The following LPAR3 variants were observed in gnomAD, a reference collection of about 807,000 sequenced individuals.
LPAR3 encodes the protein LPA receptor 3.
LPAR3 carries 7 observed loss-of-function variants against 17.8 expected under a neutral mutation model. That is an observed-to-expected ratio of 0.39 (90% CI 0.22 to 0.74). LPAR3 has a LOEUF of 0.74. Among genes scored for constraint, LPAR3 ranks in the 30% least tolerant of loss-of-function variants. The pLI is 0.40. For missense variants in LPAR3, 391 were observed against 453.4 expected (o/e 0.86, Z 1.25); for synonymous variants, 179 against 179.9 (o/e 0.99, Z 0.04).
intron 2 of LPAR3, among the ~76,000 whole-genome samples, chr1:84,815,116 C>T (rs1170656760): frequency 6.6e-6 from 1 of 152,130 alleles, no homozygotes; most frequent in African/African-American, 2.4e-5. Context: ...ATGACATTGG[C>T]ATTATTATTA....
At chr1:84,864,800 A>G (rs1660007860) in intron 2 of LPAR3, among the ~76,000 whole-genome samples, 1 of 151,064 alleles carries the variant, frequency 6.6e-6, no homozygotes, top group South Asian at 2.1e-4. Context: ...AAGAAAAAAG[A>G]AAAAAAAATG....
At position 84,865,931 on chromosome 1, in the gene LPAR3, G is replaced by C. The variant is rs769841460; in HGVS notation, c.190C>G (p.Pro64Ala). 73 of 1,613,920 alleles carry C rather than the reference G, an allele frequency of 4.5e-5. 2 individuals are homozygous for C. Among genetic ancestry groups the C allele is most frequent in the Non-Finnish European group, 6.1e-5 (72 of 1,180,010 alleles). The change falls in exon 2 of 3, where the codon CCC becomes GCC. Residue 64 changes from proline (P) to alanine (A), a missense_variant. Coordinates refer to ENST00000370611, the MANE Select transcript of LPAR3 (RefSeq NM_012152.3). ...AVIKNRKFHF[P>A]FYYLLANLAA... ...AAATTAGCCAACAGGTAGTAGAAGGGGAAATGAAATTTTCTGTTTTTGATC... is the reference window on the plus strand; with the variant it reads ...AAATTAGCCAACAGGTAGTAGAAGGCGAAATGAAATTTTCTGTTTTTGATC...
chr1:84,857,628 G>A (rs1659853106), intron 2 of LPAR3, among the ~76,000 whole-genome samples: 1 of 152,216 alleles, frequency 6.6e-6, no homozygotes, highest in South Asian at 2.1e-4. Context: ...GAAAGAGCAT[G>A]TGACTTTACA....
chr1:84,813,653 T>C lies in LPAR3; in HGVS notation c.*193A>G, dbSNP rs1470402846. The C allele has an allele frequency of 3.6e-6, 2 of 560,312 alleles. No individual in the cohort carries two copies. Among genetic ancestry groups the C allele is most frequent in the African/African-American group, 3.7e-5 (2 of 53,372 alleles). 34.7% of individuals were successfully genotyped at this position (560,312 alleles called of 1,614,324 possible). On this transcript the variant is annotated 3_prime_UTR_variant, in exon 3 of 3. Transcript: ENST00000370611. ...CCGAACCTCTCCCGTTTCTGTGCTT[T>C]CTCTAAATGCAGCAGGTCCTCTCTT...
intron 2 of LPAR3, among the ~76,000 whole-genome samples, chr1:84,827,177 C>CAGT (rs1451582159): frequency 6.6e-6 from 1 of 152,100 alleles, no homozygotes; most frequent in Non-Finnish European, 1.5e-5. Flanking sequence ...CTTGTTATTG[C>CAGT]AGTATTAATT....
At chr1:84,849,241 G>C (rs996292173) in intron 2 of LPAR3, among the ~76,000 whole-genome samples, 1 of 151,946 alleles carries the variant, frequency 6.6e-6, no homozygotes, top group East Asian at 1.9e-4. Context: ...CGGGCGTGGT[G>C]GTGGGCACCT....
chr1:84,865,555 A>C lies in LPAR3; in HGVS notation c.566T>G (p.Val189Gly). 1.2e-6 allele frequency: 2 copies of C among 1,614,194 alleles called. No individual in the cohort carries two copies. Among genetic ancestry groups the C allele is most frequent in the Non-Finnish European group, 1.7e-6 (2 of 1,180,044 alleles). Reference sequence around the variant, plus strand: ...CATGAGGTTGGACACTGTCCAGAAAACAAGGTAACTCCTGCTGTAAATGGG... The same window carrying C: ...CATGAGGTTGGACACTGTCCAGAAACCAAGGTAACTCCTGCTGTAAATGGG... ...LAPIYSRSYL[V>G]FWTVSNLMAF... Residue 189 changes from valine to glycine, a missense_variant, in exon 2 of 3, where the codon GTT becomes GGT. Transcript: ENST00000370611.
intron 2 of LPAR3, among the ~76,000 whole-genome samples, chr1:84,852,301 G>A (rs1468149796): frequency 6.6e-6 from 1 of 152,042 alleles, no homozygotes; most frequent in Non-Finnish European, 1.5e-5. Flanking sequence ...GGATGGTCTC[G>A]ATCTCTTGAC....
chr1:84,861,039 G>A (rs1460296598), intron 2 of LPAR3, among the ~76,000 whole-genome samples: 2 of 152,078 alleles, frequency 1.3e-5, no homozygotes, highest in Non-Finnish European at 2.9e-5. Context: ...ACACCTGGAT[G>A]GATTTAATCT....
intron 1 of LPAR3, among the ~76,000 whole-genome samples, chr1:84,883,379 C>A (rs953902010): frequency 2.0e-5 from 3 of 152,210 alleles, no homozygotes; most frequent in Middle Eastern, 3.2e-3. Context: ...CAGAGAGTCA[C>A]TAGCTGGTGT....
At chr1:84,826,518 C>T (rs1659160106) in intron 2 of LPAR3, among the ~76,000 whole-genome samples, 1 of 151,878 alleles carries the variant, frequency 6.6e-6, no homozygotes, top group Admixed American at 6.5e-5. Flanking sequence ...GCAGCTAACA[C>T]CCCTGAAAAT....
intron 2 of LPAR3, among the ~76,000 whole-genome samples, chr1:84,847,818 C>A (rs1485002010): frequency 6.6e-6 from 1 of 152,226 alleles, no homozygotes; most frequent in African/African-American, 2.4e-5. Context: ...TAACTGCTGC[C>A]AGGTTTCCCT....
At chr1:84,851,445 T>C (rs368547070) in intron 2 of LPAR3, among the ~76,000 whole-genome samples, 11 of 152,250 alleles carry the variant, frequency 7.2e-5, no homozygotes, top group Admixed American at 4.6e-4. Flanking sequence ...ACTGTACAAG[T>C]GAAAACACAC....
At chr1:84,870,007 C>G (rs1660129128) in intron 1 of LPAR3, among the ~76,000 whole-genome samples, 1 of 152,200 alleles carries the variant, frequency 6.6e-6, no homozygotes, top group African/African-American at 2.4e-5. Flanking sequence ...CACAGATCTC[C>G]CCAGTACACG....
chr1:84,877,741 G>C (rs1660285361), intron 1 of LPAR3, among the ~76,000 whole-genome samples: 1 of 152,140 alleles, frequency 6.6e-6, no homozygotes, highest in Admixed American at 6.5e-5. Flanking sequence ...GGAGTCCCCT[G>C]ACATTGCACT....
chr1:84,823,014 G>A (rs1052558293), intron 2 of LPAR3, among the ~76,000 whole-genome samples: 7 of 152,098 alleles, frequency 4.6e-5, no homozygotes, highest in Non-Finnish European at 1.0e-4. Context: ...AAAGCAGCAG[G>A]GCACAAGCAA....
chr1:84,881,681 G>A (rs568075338), intron 1 of LPAR3, among the ~76,000 whole-genome samples: 8 of 152,244 alleles, frequency 5.3e-5, no homozygotes, highest in African/African-American at 1.9e-4. Context: ...CAGTGACTAA[G>A]CTTAAGACAG....
chr1:84,840,556 C>T (rs1659486765), intron 2 of LPAR3, among the ~76,000 whole-genome samples: 1 of 152,136 alleles, frequency 6.6e-6, no homozygotes. Flanking sequence ...CTTACTTATA[C>T]AAACAATAAA....
rs145048515 is a variant in LPAR3, at chr1:84,873,794, C to T, written c.-18-7656G>A. On this transcript the variant is annotated intron_variant, in intron 1 of 2. Coordinates refer to ENST00000370611, the MANE Select transcript of LPAR3 (RefSeq NM_012152.3). The stretch of plus-strand genomic sequence containing the variant: ...TTGAGACGAGTCTCTGCTCTGTCAC[C>T]CAGGCTGGAGTGCAGTGGCACAATC... Among the ~76,000 whole-genome samples, 616 of 151,672 alleles carry T rather than the reference C, an allele frequency of 4.1e-3. 5 individuals are homozygous for T. Among genetic ancestry groups the T allele is most frequent in the African/African-American group, 0.015 (600 of 41,334 alleles).
Sources: allele counts gnomAD v4.1 joint callset (sites outside exome capture counted in the v4.1 genomes callset), GRCh38; gene constraint gnomAD v4.1.1; transcripts MANE v1.5; gene names NCBI Gene and HGNC (gene_info 2026-07-23, HGNC 2026-07-21).